The following DCLK2 variants were observed in gnomAD, a reference collection of about 807,000 sequenced individuals.
DCLK2 encodes the protein doublecortin like kinase 2.
A neutral mutation model predicts 78.4 loss-of-function variants in DCLK2; 31 were observed. The ratio of observed to expected loss-of-function variants is 0.40; its 90% confidence interval spans 0.30 to 0.53. DCLK2 has a LOEUF of 0.53. Ranked by LOEUF, DCLK2 falls within the 20% of genes least tolerant of loss-of-function variation. DCLK2 has a pLI of 0.61. For missense variants in DCLK2, 872 were observed against 973.7 expected, an observed-to-expected ratio of 0.90 and a Z score of 1.39; for synonymous variants, 407 against 374.9, an observed-to-expected ratio of 1.09 and a Z score of -0.99.
intron 5 of DCLK2, among the ~76,000 whole-genome samples, chr4:150,216,062 T>TAA (rs1740693744): frequency 1.3e-5 from 2 of 151,618 alleles, no homozygotes; most frequent in African/African-American, 4.8e-5. Context: ...CATAATGCAG[T>TAA]AAGTAACCAC....
At chr4:150,180,895 AC>A (rs1421349700) in intron 2 of DCLK2, among the ~76,000 whole-genome samples, 1 of 152,074 alleles carries the variant, frequency 6.6e-6, no homozygotes, top group Non-Finnish European at 1.5e-5. Flanking sequence ...TATCTGACCT[AC>A]CTTGTGTGGT....
At chr4:150,224,640 G>A in intron 8 of DCLK2, 82 bp downstream of exon 8, 1 of 1,174,288 alleles carries the variant, frequency 8.5e-7, no homozygotes, top group Non-Finnish European at 1.2e-6. Context: ...AATTTAAGTG[G>A]GGACTTGACA....
intron 10 of DCLK2, among the ~76,000 whole-genome samples, chr4:150,238,011 A>G (rs1392087895): frequency 3.9e-5 from 6 of 152,200 alleles, no homozygotes; most frequent in Admixed American, 3.9e-4. Flanking sequence ...TTTGCTTCCA[A>G]AACTATTCAC....
At chr4:150,177,166 T>G (rs1241040314) in intron 2 of DCLK2, among the ~76,000 whole-genome samples, 1 of 152,196 alleles carries the variant, frequency 6.6e-6, no homozygotes, top group Non-Finnish European at 1.5e-5. Flanking sequence ...TTCCTTCCTT[T>G]GCTTTGTTTT....
chr4:150,126,465 A>G (rs892600621), intron 2 of DCLK2, among the ~76,000 whole-genome samples: 1 of 152,218 alleles, frequency 6.6e-6, no homozygotes, highest in African/African-American at 2.4e-5. Flanking sequence ...GGCATCAAAA[A>G]TGCTTCACAG....
At chr4:150,147,650 A>G (rs74504325) in intron 2 of DCLK2, among the ~76,000 whole-genome samples, 4,380 of 140,354 alleles carry the variant, frequency 0.031, 172 homozygotes, top group African/African-American at 0.1. Flanking sequence ...ATTATGTACA[A>G]TTTGTATTGT....
intron 2 of DCLK2, among the ~76,000 whole-genome samples, chr4:150,174,992 C>T (rs1422334887): frequency 2.7e-4 from 6 of 22,330 alleles, no homozygotes; most frequent in African/African-American, 3.5e-4. Flanking sequence ...AGTGAGACTC[C>T]GTCGCAAAAA....
chr4:150,127,352 C>A (rs1372010606), intron 2 of DCLK2, among the ~76,000 whole-genome samples: 1 of 152,186 alleles, frequency 6.6e-6, no homozygotes, highest in Non-Finnish European at 1.5e-5. Flanking sequence ...TTCCACATTT[C>A]CTTCTACATT....
At chr4:150,147,219 G>C (rs1734543860) in intron 2 of DCLK2, among the ~76,000 whole-genome samples, 1 of 152,116 alleles carries the variant, frequency 6.6e-6, no homozygotes, top group Non-Finnish European at 1.5e-5. Context: ...GATCACTTGA[G>C]CCCAGGAGTT....
rs1458613035 is a variant in DCLK2, at chr4:150,094,468, C to T, written c.422-8010C>T. On this transcript the variant is annotated intron_variant, in intron 1 of 15. Coordinates refer to ENST00000296550, the MANE Select transcript of DCLK2 (RefSeq NM_001040260.4). ...CTTGGACTCTTGGTGTTTTAATGGT[C>T]TGAAATGGAAAAGATACTGGTAGGT... 3.3e-5 allele frequency among the ~76,000 whole-genome samples: 5 copies of T among 152,270 alleles called. No individual in the cohort carries two copies. In the East Asian group the frequency reaches 9.6e-4, roughly 29 times the overall value.
chr4:150,237,031 T>G (rs77685706), intron 10 of DCLK2, among the ~76,000 whole-genome samples: 2,228 of 152,268 alleles, frequency 0.015, 58 homozygotes, highest in African/African-American at 0.051. Flanking sequence ...TTAAAATAAA[T>G]ACTATTTTTC....
rs571928664 is a variant in DCLK2 at position 150,163,268 on chromosome 4, G to T, written c.757-29870G>T. The stretch of plus-strand genomic sequence containing the variant: ...CAAAAATTCACTGGGCGTGGTGGCA[G>T]GCACCTATAGTTCCAGCCACTTGGG... On this transcript the variant is annotated intron_variant, in intron 2 of 15. Transcript: ENST00000296550. 7.2e-5 allele frequency among the ~76,000 whole-genome samples: 11 copies of T among 152,210 alleles called. No individual in the cohort carries two copies. In the South Asian group the frequency reaches 2.3e-3, roughly 32 times the overall value.
intron 1 of DCLK2, among the ~76,000 whole-genome samples, chr4:150,092,816 A>T (rs576189631): frequency 5.3e-5 from 8 of 152,338 alleles, no homozygotes; most frequent in African/African-American, 1.7e-4. Context: ...TAAAGACCAT[A>T]TATGAAAAGC....
chr4:150,131,770 T>C (rs1172350689), intron 2 of DCLK2, among the ~76,000 whole-genome samples: 1 of 152,124 alleles, frequency 6.6e-6, no homozygotes, highest in Non-Finnish European at 1.5e-5. Flanking sequence ...TCTTGGCAGG[T>C]CCCTGTGTTC....
chr4:150,246,107 C>T (rs1180144019), intron 12 of DCLK2, among the ~76,000 whole-genome samples: 3 of 150,758 alleles, frequency 2.0e-5, no homozygotes, highest in Non-Finnish European at 2.9e-5. Flanking sequence ...TGCAGTGGTG[C>T]GATCTCAGCT....
chr4:150,167,392 C>T (rs564588602), intron 2 of DCLK2, among the ~76,000 whole-genome samples: 11 of 152,344 alleles, frequency 7.2e-5, no homozygotes, highest in African/African-American at 2.6e-4. Flanking sequence ...TGCCCTTTGA[C>T]TTTGCACCAG....
At chr4:150,112,150 G>A (rs888585576) in intron 2 of DCLK2, among the ~76,000 whole-genome samples, 1 of 152,062 alleles carries the variant, frequency 6.6e-6, no homozygotes, top group Admixed American at 6.6e-5. Context: ...GCAGTGTATT[G>A]TAGTTCTCCT....
chr4:150,234,056 AAC>A (rs1372826106), intron 10 of DCLK2, among the ~76,000 whole-genome samples: 5 of 152,196 alleles, frequency 3.3e-5, no homozygotes, highest in Admixed American at 3.3e-4. Flanking sequence ...TGTTAATCCA[AAC>A]ACAGATTCCT....
intron 1 of DCLK2, among the ~76,000 whole-genome samples, chr4:150,086,542 T>C (rs540314643): frequency 3.7e-4 from 56 of 151,460 alleles, no homozygotes; most frequent in Admixed American, 2.0e-3. Context: ...AGTCTCACTC[T>C]GTCTGCCAGG....
Sources: gnomAD v4.1 joint callset for allele counts (sites outside exome capture counted in the v4.1 genomes callset) on GRCh38, gnomAD v4.1.1 for gene constraint, MANE v1.5 for transcripts, NCBI Gene and HGNC (gene_info 2026-07-23, HGNC 2026-07-21) for gene names.